RBPJ: variants seen among roughly 807,000 people sequenced by gnomAD.
RBPJ encodes recombining binding protein suppressor of hairless.
In RBPJ, 9 loss-of-function variants were observed where a neutral mutation model predicts 67.8. The observed-to-expected ratio is 0.13, with a 90% confidence interval of 0.08 to 0.23. The LOEUF (loss-of-function observed/expected upper bound fraction) is 0.23, where lower values mean the gene tolerates loss of function less well. Ranked by LOEUF, RBPJ falls within the 10% of genes least tolerant of loss-of-function variation. RBPJ has a pLI of 1.00. For synonymous variants in RBPJ, 198 were observed against 203.3 expected, an observed-to-expected ratio of 0.97 and a Z score of 0.22; for missense variants, 305 against 595.6, an observed-to-expected ratio of 0.51 and a Z score of 5.08.
In RBPJ at chr4:26,179,419, C is replaced by T. The variant is rs377382619; in HGVS notation, c.-167+15805C>T. Among the ~76,000 whole-genome samples, 17 of 151,748 alleles carry T rather than the reference C, an allele frequency of 1.1e-4. No individual in the cohort carries two copies. The East Asian group carries it at 1.6e-3, about 14-fold the overall frequency. ...GCCACTGCAAGGAACAGAAGAGGTC[C>T]GGGGCTCTGGTGGGCCCCAGAATCC... is the stretch of plus-strand genomic sequence containing the variant. On this transcript the variant is annotated intron_variant, in intron 1 of 4. Transcript: ENST00000512351.
At chr4:26,380,181 A>T (rs1730170723) in intron 1 of RBPJ, among the ~76,000 whole-genome samples, 1 of 152,214 alleles carries the variant, frequency 6.6e-6, no homozygotes, top group African/African-American at 2.4e-5. Context: ...TTATTTAATA[A>T]TGTATTTTCA....
At chr4:26,175,193 C>T (rs1009854990) in intron 1 of RBPJ, among the ~76,000 whole-genome samples, 1 of 152,160 alleles carries the variant, frequency 6.6e-6, no homozygotes, top group Admixed American at 6.5e-5. Flanking sequence ...CAGTTTCAAT[C>T]CTGGTGGAAA....
At chr4:26,358,270 G>A (rs1451914843) in intron 1 of RBPJ, among the ~76,000 whole-genome samples, 3 of 152,026 alleles carry the variant, frequency 2.0e-5, no homozygotes, top group African/African-American at 4.8e-5. Flanking sequence ...CCTACTAGTA[G>A]TAAGTACCAT....
intron 1 of RBPJ, among the ~76,000 whole-genome samples, chr4:26,250,773 G>A (rs1208464100): frequency 6.6e-6 from 1 of 152,212 alleles, no homozygotes; most frequent in Non-Finnish European, 1.5e-5. Flanking sequence ...GCAAGTGTCT[G>A]TTTGGGTCCC....
the RBPJ span, among the ~76,000 whole-genome samples, chr4:26,146,679 G>A: frequency 6.6e-6 from 1 of 152,128 alleles, no homozygotes; most frequent in East Asian, 1.9e-4. Flanking sequence ...AGTATGAGGG[G>A]CCCATAATAA....
At chr4:26,297,681 G>A (rs1721926798) in intron 1 of RBPJ, among the ~76,000 whole-genome samples, 1 of 150,760 alleles carries the variant, frequency 6.6e-6, no homozygotes, top group African/African-American at 2.4e-5. Flanking sequence ...CCAGATGCAA[G>A]AAAATTATAA....
At chr4:26,205,835 T>C (rs1239329061) in intron 1 of RBPJ, among the ~76,000 whole-genome samples, 1 of 151,952 alleles carries the variant, frequency 6.6e-6, no homozygotes, top group Admixed American at 6.6e-5. Context: ...TCAAGTGATC[T>C]GCTCACTTCA....
chr4:26,339,530 A>T (rs1725269348), intron 1 of RBPJ, among the ~76,000 whole-genome samples: 1 of 152,114 alleles, frequency 6.6e-6, no homozygotes, highest in Non-Finnish European at 1.5e-5. Context: ...GTTACTCGGG[A>T]TGCTGAGGCA....
At chr4:26,258,015 T>C (rs953897969) in intron 1 of RBPJ, among the ~76,000 whole-genome samples, 14 of 152,256 alleles carry the variant, frequency 9.2e-5, no homozygotes, top group African/African-American at 3.4e-4. Flanking sequence ...AGTTAGATTA[T>C]TTCTGCAGAA....
chr4:26,183,447 C>T (rs1191684971), intron 1 of RBPJ, among the ~76,000 whole-genome samples: 2 of 152,168 alleles, frequency 1.3e-5, no homozygotes, highest in Admixed American at 1.3e-4. Flanking sequence ...TAACCACCTG[C>T]CCCATTACTC....
chr4:26,422,835 C>T (rs555307696), intron 5 of RBPJ, among the ~76,000 whole-genome samples: 1 of 152,018 alleles, frequency 6.6e-6, no homozygotes, highest in African/African-American at 2.4e-5. Flanking sequence ...TTTCTTCTGC[C>T]CTTATTTTAG....
chr4:26,307,775 T>G (rs371836079), intron 1 of RBPJ, among the ~76,000 whole-genome samples: 43 of 152,360 alleles, frequency 2.8e-4, no homozygotes, highest in African/African-American at 9.6e-4. Context: ...AGTACTTAGA[T>G]GAAAAATTAT....
chr4:26,337,054 C>T (rs1350974220), intron 1 of RBPJ, among the ~76,000 whole-genome samples: 8 of 152,194 alleles, frequency 5.3e-5, no homozygotes, highest in Non-Finnish European at 7.4e-5. Flanking sequence ...CTCCGTCTCC[C>T]GGGTTCAAGC....
At chr4:26,153,738 C>T in the RBPJ span, among the ~76,000 whole-genome samples, 41,752 of 152,046 alleles carry the variant, frequency 0.27, 7,220 homozygotes, top group Non-Finnish European at 0.39. Flanking sequence ...TAACTTAGGC[C>T]GTTTTTCTGC....
At chr4:26,270,216 G>A (rs1399004893) in intron 1 of RBPJ, among the ~76,000 whole-genome samples, 2 of 148,992 alleles carry the variant, frequency 1.3e-5, no homozygotes, top group African/African-American at 5.0e-5. Flanking sequence ...GGGAGGCAGA[G>A]GTTGCAGTGA....
chr4:26,288,399 T>C (rs1042961816), intron 1 of RBPJ, among the ~76,000 whole-genome samples: 1 of 152,224 alleles, frequency 6.6e-6, no homozygotes, highest in South Asian at 2.1e-4. Flanking sequence ...CTTGCAGAGC[T>C]GTTTGAGTGC....
intron 1 of RBPJ, among the ~76,000 whole-genome samples, chr4:26,200,538 G>A (rs1226288792): frequency 1.3e-5 from 2 of 152,124 alleles, no homozygotes; most frequent in East Asian, 3.8e-4. Flanking sequence ...GGGAATGGTG[G>A]TGCATACCTG....
chr4:26,279,690 C>T (rs140929597), intron 1 of RBPJ, among the ~76,000 whole-genome samples: 1 of 152,108 alleles, frequency 6.6e-6, no homozygotes, highest in East Asian at 1.9e-4. Flanking sequence ...GTAAAACTTC[C>T]TAAGAAGATG....
upstream of RBPJ, chr4:26,319,757 A>G (rs2109316886): frequency 1.0e-6 from 1 of 1,001,498 alleles, no homozygotes; most frequent in East Asian, 2.4e-5. Context: ...CCAATCCTGC[A>G]GCGCCTTCAA....
Sources: allele counts gnomAD v4.1 joint callset (sites outside exome capture counted in the v4.1 genomes callset), GRCh38; gene constraint gnomAD v4.1.1; transcripts MANE v1.5; gene names NCBI Gene and HGNC (gene_info 2026-07-23, HGNC 2026-07-21).